Variants in NPAS3 observed in about 807,000 individuals in gnomAD.
The protein encoded by NPAS3 is neuronal PAS domain protein 3.
A neutral mutation model predicts 73.1 loss-of-function variants in NPAS3; 14 were observed. The ratio of observed to expected loss-of-function variants is 0.19; its 90% confidence interval spans 0.13 to 0.30. The LOEUF (loss-of-function observed/expected upper bound fraction) is 0.30, where lower values mean the gene tolerates loss of function less well. Ranked by LOEUF, NPAS3 falls within the 10% of genes least tolerant of loss-of-function variation. NPAS3 has a pLI of 1.00. For synonymous variants in NPAS3, 620 were observed against 541.5 expected, an observed-to-expected ratio of 1.14 and a Z score of -2.01; for missense variants, 1,096 against 1,250.0, an observed-to-expected ratio of 0.88 and a Z score of 1.86.
chr14:33,297,799 A>G (rs1204865953), intron 3 of NPAS3, among the ~76,000 whole-genome samples: 1 of 152,096 alleles, frequency 6.6e-6, no homozygotes, highest in Non-Finnish European at 1.5e-5. Flanking sequence ...CTGGTGTTGG[A>G]GCCTTGTGCT....
rs182560637 is a variant in NPAS3 at position 32,959,517 on chromosome 14, A to C, written c.50+20151A>C. Among the ~76,000 whole-genome samples, 64 of 152,314 alleles carry C rather than the reference A, an allele frequency of 4.2e-4. 1 individual carries two copies. Among genetic ancestry groups the C allele is most frequent in the African/African-American group, 1.5e-3 (61 of 41,572 alleles). On this transcript the variant is annotated intron_variant, in intron 1 of 11. Transcript: ENST00000356141. Reference sequence around the variant, plus strand: ...ATTTACGTGAGTAAATATTTCATATACTTTGATTTTATTTTATTTTTGCCA... The same window carrying C: ...ATTTACGTGAGTAAATATTTCATATCCTTTGATTTTATTTTATTTTTGCCA...
intron 1 of NPAS3, among the ~76,000 whole-genome samples, chr14:32,997,485 C>T (rs1219156306): frequency 1.3e-5 from 2 of 152,034 alleles, no homozygotes; most frequent in South Asian, 4.1e-4. Flanking sequence ...ACAATTCCCA[C>T]GTATTGTTAG....
intron 4 of NPAS3, among the ~76,000 whole-genome samples, chr14:33,445,528 C>T (rs962819624): frequency 6.6e-6 from 1 of 152,132 alleles, no homozygotes; most frequent in African/African-American, 2.4e-5. Flanking sequence ...TGAAATATAA[C>T]TCTGTTATAC....
At chr14:33,300,650 C>G (rs1257853045) in intron 3 of NPAS3, among the ~76,000 whole-genome samples, 1 of 152,176 alleles carries the variant, frequency 6.6e-6, no homozygotes, top group East Asian at 1.9e-4. Context: ...TTTACCCTAC[C>G]TCCCTGGACC....
chr14:32,971,663 T>C (rs1171327606), intron 1 of NPAS3, among the ~76,000 whole-genome samples: 1 of 152,200 alleles, frequency 6.6e-6, no homozygotes, highest in Non-Finnish European at 1.5e-5. Context: ...TTTTAATTTT[T>C]TTATGCTTAG....
Position 33,702,048 on chromosome 14 carries a change from A to T in NPAS3, c.733+25663A>T, listed in dbSNP as rs188424268. ...TTCAGCCTTCTAGAGAAGATGCAAGATAAAAACTGGAGAACTTTCTGGAAA... is the reference window on the plus strand; with the variant it reads ...TTCAGCCTTCTAGAGAAGATGCAAGTTAAAAACTGGAGAACTTTCTGGAAA... On this transcript the variant is annotated intron_variant, in intron 6 of 11. Coordinates refer to ENST00000356141, the Ensembl canonical transcript of NPAS3. 4.0e-4 allele frequency among the ~76,000 whole-genome samples: 61 copies of T among 152,370 alleles called. No individual in the cohort carries two copies. In the Middle Eastern group the frequency reaches 0.01, roughly 25 times the overall value.
chr14:33,332,816 T>C (rs1392116481), intron 3 of NPAS3, among the ~76,000 whole-genome samples: 1 of 152,214 alleles, frequency 6.6e-6, no homozygotes, highest in Non-Finnish European at 1.5e-5. Flanking sequence ...AACTGGCTCC[T>C]GAACTATGCA....
chr14:33,532,051 A>T (rs28637547), intron 4 of NPAS3, among the ~76,000 whole-genome samples: 1 of 152,132 alleles, frequency 6.6e-6, no homozygotes, highest in East Asian at 1.9e-4. Flanking sequence ...TGCAAATGTT[A>T]GGAAATCTCA....
chr14:33,018,639 A>G (rs1408406245), intron 1 of NPAS3, among the ~76,000 whole-genome samples: 1 of 124,050 alleles, frequency 8.1e-6, no homozygotes. Context: ...TTAGAACATA[A>G]ACAAGTTGAA....
At chr14:33,288,105 C>T (rs1438875366) in intron 3 of NPAS3, among the ~76,000 whole-genome samples, 1 of 151,984 alleles carries the variant, frequency 6.6e-6, no homozygotes, top group East Asian at 1.9e-4. Flanking sequence ...GGATGTTAGT[C>T]CAGAAGAGGA....
rs1228273343 is a variant in NPAS3 at position 33,764,583 on chromosome 14, G to A, written c.853-9754G>A. 2.0e-5 allele frequency among the ~76,000 whole-genome samples: 3 copies of A among 152,246 alleles called. No individual in the cohort carries two copies. In the East Asian group the frequency reaches 5.8e-4, roughly 29 times the overall value. Reference sequence around the variant, plus strand: ...TTCTTCCTTGCCTGACGTGGGACTAGTTCTGAGTCTTTTTTTATATAACGT... The same window carrying A: ...TTCTTCCTTGCCTGACGTGGGACTAATTCTGAGTCTTTTTTTATATAACGT... On this transcript the variant is annotated intron_variant, in intron 7 of 11. Transcript: ENST00000356141.
intron 4 of NPAS3, among the ~76,000 whole-genome samples, chr14:33,407,544 A>C (rs1389351257): frequency 6.6e-6 from 1 of 152,180 alleles, no homozygotes; most frequent in Non-Finnish European, 1.5e-5. Context: ...AAACACTGAA[A>C]TATCAGTGAT....
chr14:33,029,216 G>A (rs910104881), intron 1 of NPAS3, among the ~76,000 whole-genome samples: 3 of 152,176 alleles, frequency 2.0e-5, no homozygotes, highest in Admixed American at 2.0e-4. Flanking sequence ...GGCATGCCAG[G>A]TGAAGTGACG....
At chr14:33,208,923 A>G (rs1052067025) in intron 2 of NPAS3, among the ~76,000 whole-genome samples, 1 of 152,174 alleles carries the variant, frequency 6.6e-6, no homozygotes, top group Non-Finnish European at 1.5e-5. Flanking sequence ...CCTGCCATTT[A>G]TATAAGGGCA....
At chr14:33,049,515 G>T (rs2040628422) in intron 1 of NPAS3, among the ~76,000 whole-genome samples, 1 of 152,182 alleles carries the variant, frequency 6.6e-6, no homozygotes, top group African/African-American at 2.4e-5. Flanking sequence ...AAAGACGAGG[G>T]CTTATGCAGA....
intron 4 of NPAS3, among the ~76,000 whole-genome samples, chr14:33,441,800 C>A (rs187981996): frequency 1.3e-5 from 2 of 152,230 alleles, no homozygotes; most frequent in South Asian, 2.1e-4. Context: ...AGCAAAGGCA[C>A]GTCTTACATG....
At position 33,281,733 on chromosome 14, in the gene NPAS3, T is replaced by C. The variant is rs533042895; in HGVS notation, c.385+66307T>C. ...TCTTTGTCACAATTTTCCTGGTTTG[T>C]TACCCAGAATGGGTAAAAAACATTC... On this transcript the variant is annotated intron_variant, in intron 3 of 11. Transcript: ENST00000356141. Among the ~76,000 whole-genome samples, 263 of 152,334 alleles carry C rather than the reference T, an allele frequency of 1.7e-3. 1 individual carries two copies. Among genetic ancestry groups the C allele is most frequent in the South Asian group, 0.012 (57 of 4,828 alleles).
intron 4 of NPAS3, among the ~76,000 whole-genome samples, chr14:33,544,246 A>G (rs1225389000): frequency 6.6e-6 from 1 of 151,952 alleles, no homozygotes; most frequent in Non-Finnish European, 1.5e-5. Flanking sequence ...GGGCTCAAGC[A>G]TTCCTCGTAC....
chr14:33,580,267 G>A (rs192228509), intron 5 of NPAS3, among the ~76,000 whole-genome samples: 43 of 152,268 alleles, frequency 2.8e-4, no homozygotes, highest in African/African-American at 9.9e-4. Context: ...AGCAACCAAC[G>A]TCTTCTTTAT....
Sources: allele counts gnomAD v4.1 joint callset (sites outside exome capture counted in the v4.1 genomes callset), GRCh38; gene constraint gnomAD v4.1.1; transcripts MANE v1.5; gene names NCBI Gene and HGNC (gene_info 2026-07-23, HGNC 2026-07-21).